The following PLEKHG1 variants were observed in gnomAD, a reference collection of about 807,000 sequenced individuals.
PLEKHG1 encodes pleckstrin homology domain-containing family G member 1.
In PLEKHG1, 44 loss-of-function variants were observed where a neutral mutation model predicts 100.8. That is an observed-to-expected ratio of 0.44 (90% CI 0.34 to 0.56). The LOEUF is 0.56. Ranked by LOEUF, PLEKHG1 falls within the 20% of genes least tolerant of loss-of-function variation. PLEKHG1 has a pLI of 0.01. For missense variants in PLEKHG1, 1,545 were observed against 1,720.9 expected (o/e 0.90, Z 1.81); for synonymous variants, 640 against 662.5 (o/e 0.97, Z 0.52).
At chr6:150,828,880 ATATAT>A (rs1234965371) in intron 14 of PLEKHG1, among the ~76,000 whole-genome samples, 1 of 152,218 alleles carries the variant, frequency 6.6e-6, no homozygotes, top group Non-Finnish European at 1.5e-5. Context: ...GAAGAGAAAG[ATATAT>A]TAAAGAATGT....
chr6:150,766,837 A>G (rs73783104), intron 2 of PLEKHG1, among the ~76,000 whole-genome samples: 1,794 of 152,266 alleles, frequency 0.012, 35 homozygotes, highest in African/African-American at 0.041. Context: ...GAAGTGAGAG[A>G]AAGGATTGTT....
At chr6:150,817,272 A>C (rs1776017757) in intron 10 of PLEKHG1, among the ~76,000 whole-genome samples, 1 of 152,192 alleles carries the variant, frequency 6.6e-6, no homozygotes, top group South Asian at 2.1e-4. Flanking sequence ...GGGATCACAG[A>C]CATTGTCCTT....
intron 3 of PLEKHG1, among the ~76,000 whole-genome samples, chr6:150,684,278 C>G (rs1780036338): frequency 1.3e-5 from 2 of 152,224 alleles, no homozygotes; most frequent in Admixed American, 1.3e-4. Context: ...TAAGTGCCCC[C>G]TGAGGCTTGG....
chr6:150,640,019 C>T (rs1375097807), intron 2 of PLEKHG1, among the ~76,000 whole-genome samples: 1 of 152,240 alleles, frequency 6.6e-6, no homozygotes, highest in Non-Finnish European at 1.5e-5. Flanking sequence ...TCCTCCAAGT[C>T]GGACAGCTCC....
At chr6:150,644,339 T>C (rs867819311) in intron 2 of PLEKHG1, among the ~76,000 whole-genome samples, 1 of 143,872 alleles carries the variant, frequency 7.0e-6, no homozygotes, top group Non-Finnish European at 1.5e-5. Context: ...TTCGTGTTTT[T>C]TTTTTTTTTT....
At position 150,764,014 on chromosome 6, in the gene PLEKHG1, C is replaced by T. The variant is rs147361787; in HGVS notation, c.412-4624C>T. Among the ~76,000 whole-genome samples the T allele has an allele frequency of 2.9e-4, 44 of 152,324 alleles. 2 individuals carry two copies. In the East Asian group the frequency reaches 8.5e-3, roughly 29 times the overall value. ...TCCCATTAAATACCTCTCCTCTCCA[C>T]CTGACTCAGGGTTAGGAGTTGGTCT... On this transcript the variant is annotated intron_variant, in intron 2 of 15. Transcript: ENST00000358517.
At chr6:150,765,196 A>C (rs1344908792) in intron 2 of PLEKHG1, among the ~76,000 whole-genome samples, 6 of 152,086 alleles carry the variant, frequency 3.9e-5, no homozygotes, top group Non-Finnish European at 8.8e-5. Context: ...GAAATGAAAA[A>C]AGATTATTTC....
intron 3 of PLEKHG1, among the ~76,000 whole-genome samples, chr6:150,653,637 G>GCTT (rs1462482766): frequency 1.3e-5 from 2 of 152,030 alleles, no homozygotes; most frequent in Non-Finnish European, 1.5e-5. Context: ...GGTAGTCCTA[G>GCTT]CTTAGGAGGC....
At chr6:150,789,336 G>A (rs1785827877) in intron 4 of PLEKHG1, among the ~76,000 whole-genome samples, 1 of 152,044 alleles carries the variant, frequency 6.6e-6, no homozygotes, top group Non-Finnish European at 1.5e-5. Context: ...AGCCGATTTG[G>A]GGTGGCATAT....
At chr6:150,720,146 AT>A (rs1172690846), upstream of PLEKHG1, among the ~76,000 whole-genome samples, 1 of 152,210 alleles carries the variant, frequency 6.6e-6, no homozygotes, top group Non-Finnish European at 1.5e-5. Context: ...CATAATCCAT[AT>A]TTTGAATTTG....
chr6:150,805,427 G>A (rs1175467413), intron 7 of PLEKHG1, among the ~76,000 whole-genome samples: 6 of 152,122 alleles, frequency 3.9e-5, no homozygotes, highest in South Asian at 4.1e-4. Flanking sequence ...GAGGTGGTGC[G>A]TGGGTGGTCT....
rs1441068078 is a variant in PLEKHG1, at chr6:150,650,289, G to C, written c.-157-439G>C. ...GCGGTGGAGAAGGATTGAAATCAGA[G>C]CCTCTCCTTCCATTCCCTGCTTCAT... On this transcript the variant is annotated intron_variant, in intron 2 of 3. Transcript: ENST00000367326. Among the ~76,000 whole-genome samples the C allele has an allele frequency of 5.9e-5, 9 of 152,160 alleles. No individual in the cohort carries two copies. The South Asian group carries it at 1.0e-3, about 18-fold the overall frequency.
At chr6:150,677,432 C>T (rs1779799083) in intron 3 of PLEKHG1, among the ~76,000 whole-genome samples, 1 of 152,168 alleles carries the variant, frequency 6.6e-6, no homozygotes, top group South Asian at 2.1e-4. Context: ...CTCACCCCAT[C>T]CCATGACTCC....
exon 15 of PLEKHG1, chr6:150,830,707 C>G (rs763925417): frequency 6.8e-6 from 11 of 1,614,184 alleles, no homozygotes; most frequent in Non-Finnish European, 7.6e-6. Context: ...TCAGAAACAT[C>G]TGGACCGATC....
chr6:150,677,669 A>G (rs1779805816), intron 3 of PLEKHG1, among the ~76,000 whole-genome samples: 1 of 152,066 alleles, frequency 6.6e-6, no homozygotes, highest in African/African-American at 2.4e-5. Flanking sequence ...CAGGAATTCA[A>G]GGCCAACCTA....
chr6:150,796,176 A>G (rs551420408), intron 5 of PLEKHG1, among the ~76,000 whole-genome samples: 1 of 152,366 alleles, frequency 6.6e-6, no homozygotes, highest in East Asian at 1.9e-4. Context: ...AAGGAAACTA[A>G]GCAAGCTATT....
chr6:150,632,534 G>A (rs548347289), intron 1 of PLEKHG1, among the ~76,000 whole-genome samples: 218 of 152,342 alleles, frequency 1.4e-3, no homozygotes, highest in Non-Finnish European at 2.5e-3. Context: ...AGTGTTGCCT[G>A]CATTGGCCAT....
chr6:150,754,511 G>A (rs961250293), intron 2 of PLEKHG1, among the ~76,000 whole-genome samples: 3 of 152,136 alleles, frequency 2.0e-5, no homozygotes, highest in African/African-American at 7.2e-5. Context: ...TAGTCCAGGT[G>A]AGAGATGAGA....
At chr6:150,736,976 A>G (rs1782592932) in intron 2 of PLEKHG1, among the ~76,000 whole-genome samples, 1 of 152,186 alleles carries the variant, frequency 6.6e-6, no homozygotes, top group Non-Finnish European at 1.5e-5. Flanking sequence ...GGGGAGAAAG[A>G]GTCCCAAATG....
Sources: allele counts gnomAD v4.1 joint callset (sites outside exome capture counted in the v4.1 genomes callset), GRCh38; gene constraint gnomAD v4.1.1; transcripts MANE v1.5; gene names NCBI Gene and HGNC (gene_info 2026-07-23, HGNC 2026-07-21).